Variants in CNTN5 observed in about 807,000 individuals in gnomAD.
The protein encoded by CNTN5 is contactin-5.
A neutral mutation model predicts 129.1 loss-of-function variants in CNTN5; 77 were observed. The observed-to-expected ratio is 0.60, with a 90% confidence interval of 0.50 to 0.72. The LOEUF is 0.72. CNTN5 is among the 30% of genes least tolerant of loss of function. The pLI is 0.00. For synonymous variants in CNTN5, 509 were observed against 465.6 expected (o/e 1.09, Z -1.20); for missense variants, 1,478 against 1,328.8 (o/e 1.11, Z -1.75).
At chr11:100,107,807 T>C (rs1468143676) in intron 13 of CNTN5, among the ~76,000 whole-genome samples, 3 of 152,066 alleles carry the variant, frequency 2.0e-5, no homozygotes, top group Admixed American at 6.6e-5. Flanking sequence ...ACTCCAGTGA[T>C]ACAAATGTAT....
At chr11:100,049,952 A>G (rs1050873064) in intron 9 of CNTN5, among the ~76,000 whole-genome samples, 8 of 152,138 alleles carry the variant, frequency 5.3e-5, no homozygotes, top group East Asian at 1.9e-4. Flanking sequence ...TTAGAATGGC[A>G]ATCATTAAAA....
intron 1 of CNTN5, among the ~76,000 whole-genome samples, chr11:99,252,777 A>G (rs971249071): frequency 6.6e-6 from 1 of 151,932 alleles, no homozygotes; most frequent in African/African-American, 2.4e-5. Flanking sequence ...TACTGAATTG[A>G]TATTTCTTTA....
chr11:100,189,328 C>T (rs564426008), intron 13 of CNTN5, among the ~76,000 whole-genome samples: 17 of 150,276 alleles, frequency 1.1e-4, no homozygotes, highest in Non-Finnish European at 1.9e-4. Flanking sequence ...GATCAGGGGC[C>T]GAAAGTACAG....
chr11:99,651,387 A>G (rs1456221006), intron 3 of CNTN5, among the ~76,000 whole-genome samples: 1 of 151,946 alleles, frequency 6.6e-6, no homozygotes, highest in African/African-American at 2.4e-5. Context: ...TAAAGGAACA[A>G]TATCTTCCCT....
At chr11:99,230,379 C>A (rs1199325287) in intron 1 of CNTN5, among the ~76,000 whole-genome samples, 1 of 151,914 alleles carries the variant, frequency 6.6e-6, no homozygotes, top group Non-Finnish European at 1.5e-5. Flanking sequence ...GGGAATTCAA[C>A]TGATTTTGGG....
intron 9 of CNTN5, among the ~76,000 whole-genome samples, chr11:100,055,284 C>CT (rs561310956): frequency 1.1e-4 from 16 of 151,578 alleles, no homozygotes; most frequent in African/African-American, 3.9e-4. Flanking sequence ...CTTATGACTT[C>CT]TTTTTTTTCA....
chr11:100,316,773 AATT>A (rs948868247), intron 21 of CNTN5, among the ~76,000 whole-genome samples: 3 of 152,184 alleles, frequency 2.0e-5, no homozygotes, highest in Non-Finnish European at 4.4e-5. Flanking sequence ...CTTGTAAGAT[AATT>A]ATTAACTGTA....
At chr11:99,513,963 T>G (rs1255589795) in intron 2 of CNTN5, among the ~76,000 whole-genome samples, 1 of 152,090 alleles carries the variant, frequency 6.6e-6, no homozygotes, top group Non-Finnish European at 1.5e-5. Flanking sequence ...TGATGGATTT[T>G]GGGAAAATAA....
At chr11:100,238,024 A>G (rs17094673) in intron 16 of CNTN5, among the ~76,000 whole-genome samples, 3,301 of 152,290 alleles carry the variant, frequency 0.022, 112 homozygotes, top group African/African-American at 0.076. Flanking sequence ...GGCATTGTAA[A>G]GATGAGATAT....
At chr11:99,242,944 C>A (rs542232728) in intron 1 of CNTN5, among the ~76,000 whole-genome samples, 25 of 152,044 alleles carry the variant, frequency 1.6e-4, no homozygotes, top group Admixed American at 1.6e-3. Flanking sequence ...TGTGATGAAC[C>A]TGAGAGTACA....
At chr11:99,792,651 A>C (rs762090803) in intron 3 of CNTN5, among the ~76,000 whole-genome samples, 1 of 151,074 alleles carries the variant, frequency 6.6e-6, no homozygotes, top group Non-Finnish European at 1.5e-5. Flanking sequence ...GGTAGGAGGG[A>C]GTCCCTACAA....
At chr11:99,708,011 T>A (rs1391249559) in intron 3 of CNTN5, among the ~76,000 whole-genome samples, 2 of 149,920 alleles carry the variant, frequency 1.3e-5, no homozygotes, top group Non-Finnish European at 3.0e-5. Flanking sequence ...ATTATTAATA[T>A]ACTTACTTGA....
At chr11:100,329,307 G>A (rs916149273) in intron 21 of CNTN5, among the ~76,000 whole-genome samples, 7 of 152,180 alleles carry the variant, frequency 4.6e-5, no homozygotes, top group African/African-American at 1.7e-4. Context: ...GCTCAGAAAT[G>A]GCTATCCCTG....
At chr11:99,184,921 C>A (rs7108717) in intron 1 of CNTN5, among the ~76,000 whole-genome samples, 143,500 of 152,108 alleles carry the variant, frequency 0.94, 67,742 homozygotes, top group East Asian at 1. Flanking sequence ...TCTTCTTGAT[C>A]GTGTATAACG....
intron 1 of CNTN5, among the ~76,000 whole-genome samples, chr11:99,317,138 G>A (rs1865376826): frequency 6.6e-6 from 1 of 152,160 alleles, no homozygotes; most frequent in Admixed American, 6.5e-5. Flanking sequence ...ATGACATTGG[G>A]CTTAGGGGAG....
Position 100,356,407 on chromosome 11 carries a change from TG to T in CNTN5, c.*188del. 1.7e-6 allele frequency: 1 copy of T among 593,702 alleles called. No homozygotes were observed. Among genetic ancestry groups the T allele is most frequent in the Non-Finnish European group, 3.0e-6 (1 of 332,648 alleles). The allele number at this position is 593,702 out of a possible 1,614,324, so 36.8% of individuals were successfully genotyped here. A position where few individuals can be genotyped will look rare whatever the true frequency, so the allele number is the denominator to read the frequency against. On this transcript the variant is annotated 3_prime_UTR_variant, in exon 25 of 25. Coordinates refer to ENST00000524871, the MANE Select transcript of CNTN5 (RefSeq NM_014361.4). ...ATCCATCAGGTTTCTCTTTGGTTTTTGTAAACGGAGAGGACAGTTCTTAGTC... is the reference window on the plus strand; with the variant it reads ...ATCCATCAGGTTTCTCTTTGGTTTTTTAAACGGAGAGGACAGTTCTTAGTC...
chr11:99,380,528 G>A (rs573195925), intron 2 of CNTN5, among the ~76,000 whole-genome samples: 1 of 152,038 alleles, frequency 6.6e-6, no homozygotes, highest in Admixed American at 6.5e-5. Context: ...CCAGCACTTC[G>A]GGAGGCTGAG....
At chr11:99,064,570 A>T (rs1865025263) in intron 1 of CNTN5, among the ~76,000 whole-genome samples, 1 of 152,128 alleles carries the variant, frequency 6.6e-6, no homozygotes, top group African/African-American at 2.4e-5. Context: ...ATGACTGATG[A>T]CTGTGAATGC....
chr11:99,460,515 A>AT (rs968578772), intron 2 of CNTN5, among the ~76,000 whole-genome samples: 3 of 151,906 alleles, frequency 2.0e-5, no homozygotes, highest in African/African-American at 7.2e-5. Context: ...GGAATAATTC[A>AT]TTTTTTTACA....
Sources: gnomAD v4.1 joint callset for allele counts (sites outside exome capture counted in the v4.1 genomes callset) on GRCh38, gnomAD v4.1.1 for gene constraint, MANE v1.5 for transcripts, NCBI Gene and HGNC (gene_info 2026-07-23, HGNC 2026-07-21) for gene names.